NFIB: variants seen among roughly 807,000 people sequenced by gnomAD.
NFIB encodes the protein nuclear factor I B.
Under a neutral mutation model 61.5 loss-of-function variants are expected in NFIB, and 11 were observed. That is an observed-to-expected ratio of 0.18 (90% CI 0.11 to 0.30). NFIB has a LOEUF of 0.30. Ranked by LOEUF, NFIB falls within the 10% of genes least tolerant of loss-of-function variation. The pLI is 1.00. For missense variants in NFIB, 471 were observed against 608.9 expected, an observed-to-expected ratio of 0.77 and a Z score of 2.38; for synonymous variants, 260 against 216.5, an observed-to-expected ratio of 1.20 and a Z score of -1.76.
At chr9:14,091,535 T>C (rs920424853) in intron 10 of NFIB, among the ~76,000 whole-genome samples, 1 of 152,180 alleles carries the variant, frequency 6.6e-6, no homozygotes, top group East Asian at 1.9e-4. Flanking sequence ...GATAATCTTA[T>C]GTTCATTCCA....
At chr9:14,531,189 T>G in the NFIB span, among the ~76,000 whole-genome samples, 35 of 152,292 alleles carry the variant, frequency 2.3e-4, 1 homozygote, top group African/African-American at 8.4e-4. Context: ...CTTCCCAATA[T>G]TATGTTAAAA....
chr9:14,490,684 T>C, the NFIB span, among the ~76,000 whole-genome samples: 2 of 152,154 alleles, frequency 1.3e-5, no homozygotes, highest in South Asian at 2.1e-4. Context: ...AGGTTGAATA[T>C]ACATAGGGAA....
intron 2 of NFIB, among the ~76,000 whole-genome samples, chr9:14,262,651 G>A (rs941435851): frequency 6.6e-6 from 1 of 152,200 alleles, no homozygotes; most frequent in Non-Finnish European, 1.5e-5. Flanking sequence ...TTTCTGAGAT[G>A]CCTTCTCCTT....
intron 3 of NFIB, 109 bp downstream of exon 3, chr9:14,179,618 C>G: frequency 8.5e-7 from 1 of 1,178,576 alleles, no homozygotes; most frequent in South Asian, 1.4e-5. Context: ...TCATACCTGC[C>G]TGCCAGAACA....
intron 3 of NFIB, among the ~76,000 whole-genome samples, chr9:14,168,371 T>A (rs1162356284): frequency 6.6e-6 from 1 of 152,198 alleles, no homozygotes; most frequent in Non-Finnish European, 1.5e-5. Flanking sequence ...CACTAAATGC[T>A]AGTACTGTAA....
At chr9:14,245,666 A>G (rs2132078266) in intron 2 of NFIB, among the ~76,000 whole-genome samples, 1 of 152,148 alleles carries the variant, frequency 6.6e-6, no homozygotes, top group East Asian at 1.9e-4. Context: ...TGAGATCAGG[A>G]GTTCAAGACC....
chr9:14,256,651 T>C (rs1209132373), intron 2 of NFIB, among the ~76,000 whole-genome samples: 3 of 152,180 alleles, frequency 2.0e-5, no homozygotes, highest in African/African-American at 7.2e-5. Context: ...TGTTTGGCAG[T>C]CAGAGTCTCA....
chr9:14,179,674 A>G (rs1037639512), intron 3 of NFIB, 53 bp downstream of exon 3: 3 of 1,593,370 alleles, frequency 1.9e-6, no homozygotes, highest in African/African-American at 2.7e-5. Flanking sequence ...ATACAGTGGT[A>G]CCTTTGTTCT....
At chr9:14,408,269 A>C in the NFIB span, among the ~76,000 whole-genome samples, 1 of 152,178 alleles carries the variant, frequency 6.6e-6, no homozygotes, top group Non-Finnish European at 1.5e-5. Flanking sequence ...GCCTCTTTTT[A>C]TTTATACAGA....
chr9:14,295,470 C>CAA (rs373905065), intron 2 of NFIB, among the ~76,000 whole-genome samples: 11 of 147,728 alleles, frequency 7.4e-5, no homozygotes, highest in African/African-American at 2.5e-4. Flanking sequence ...ACTAAACATA[C>CAA]AAAAAAAAAA....
rs1321524688 is a variant in NFIB at position 14,083,106 on chromosome 9, A to C, written c.*5203T>G. On this transcript the variant is annotated 3_prime_UTR_variant, in exon 11 of 11. Transcript: ENST00000380953. ...GAACCCTTTTATTATTAAAAAAAAA[A>C]AAAAACTACTTACAACCATTGAAGA... 4.7e-6 allele frequency: 1 copy of C among 212,522 alleles called. No individual in the cohort carries two copies. Among genetic ancestry groups the C allele is most frequent in the African/African-American group, 2.3e-5 (1 of 44,058 alleles). The allele number at this position is 212,522 out of a possible 1,614,324, so 13.2% of individuals were successfully genotyped here. A position where few individuals can be genotyped will look rare whatever the true frequency, so the allele number is the denominator to read the frequency against.
chr9:14,463,277 G>A, the NFIB span, among the ~76,000 whole-genome samples: 1 of 151,784 alleles, frequency 6.6e-6, no homozygotes, highest in East Asian at 1.9e-4. Flanking sequence ...AAATATAAAA[G>A]ACTTTATGGG....
chr9:14,143,295 G>T (rs1262898726), intron 6 of NFIB, among the ~76,000 whole-genome samples: 2 of 151,882 alleles, frequency 1.3e-5, no homozygotes, highest in Non-Finnish European at 2.9e-5. Flanking sequence ...CCTAGATTTT[G>T]TGTTAATATT....
intron 2 of NFIB, among the ~76,000 whole-genome samples, chr9:14,247,025 A>G (rs1309087550): frequency 6.6e-6 from 1 of 152,072 alleles, no homozygotes; most frequent in Non-Finnish European, 1.5e-5. Flanking sequence ...GCTTTCTGAG[A>G]CACAATAAGC....
the NFIB span, among the ~76,000 whole-genome samples, chr9:14,472,763 C>A: frequency 1.3e-5 from 2 of 151,878 alleles, no homozygotes; most frequent in Non-Finnish European, 2.9e-5. Context: ...ATGGCGTGAA[C>A]CCAGGAGGTG....
the NFIB span, among the ~76,000 whole-genome samples, chr9:14,481,197 GTATATATATATATATATA>G: frequency 0.031 from 1,415 of 45,862 alleles, 146 homozygotes; most frequent in African/African-American, 0.12. Context: ...GTGTGTGTGT[GTATATATATATATATATA>G]TATATATATA....
intron 2 of NFIB, among the ~76,000 whole-genome samples, chr9:14,286,506 C>T (rs1375862101): frequency 1.3e-5 from 2 of 152,194 alleles, no homozygotes; most frequent in African/African-American, 4.8e-5. Context: ...ATAATCCATT[C>T]TCATGATCTC....
chr9:14,300,145 T>A, intron 2 of NFIB: 1 of 398,182 alleles, frequency 2.5e-6, no homozygotes, highest in Non-Finnish European at 4.4e-6. Flanking sequence ...AAAACTGGAG[T>A]TCAAGGTCCC....
intron 2 of NFIB, among the ~76,000 whole-genome samples, chr9:14,202,066 A>C (rs1233392240): frequency 6.6e-6 from 1 of 152,096 alleles, no homozygotes; most frequent in African/African-American, 2.4e-5. Flanking sequence ...TGTGCTCTCT[A>C]TACAATTTAC....
Sources: gnomAD v4.1 joint callset for allele counts (sites outside exome capture counted in the v4.1 genomes callset) on GRCh38, gnomAD v4.1.1 for gene constraint, MANE v1.5 for transcripts, NCBI Gene and HGNC (gene_info 2026-07-23, HGNC 2026-07-21) for gene names.